The following DOCK1 variants were observed in gnomAD, a reference collection of about 807,000 sequenced individuals.
DOCK1 encodes the protein dedicator of cytokinesis 1.
Under a neutral mutation model 262.7 loss-of-function variants are expected in DOCK1, and 138 were observed. The observed-to-expected ratio is 0.53, with a 90% CI of 0.46 to 0.61. DOCK1 has a LOEUF of 0.61. DOCK1 is among the 20% of genes least tolerant of loss of function. The pLI, the probability that DOCK1 is intolerant of heterozygous loss-of-function variation, is 0.00. For missense variants in DOCK1, 1,908 were observed against 2,370.7 expected (o/e 0.80, Z 4.05); for synonymous variants, 866 against 867.4 (o/e 1.00, Z 0.03).
chr10:127,161,767 C>T (rs2053612557), intron 27 of DOCK1, among the ~76,000 whole-genome samples: 2 of 152,146 alleles, frequency 1.3e-5, no homozygotes, highest in African/African-American at 4.8e-5. Flanking sequence ...GCCATGTTGT[C>T]ATGGCAGGCT....
At chr10:127,389,784 G>A (rs1208286340) in intron 38 of DOCK1, among the ~76,000 whole-genome samples, 3 of 152,172 alleles carry the variant, frequency 2.0e-5, no homozygotes, top group Non-Finnish European at 2.9e-5. Flanking sequence ...GGGCTGAGGC[G>A]GGGCAGATCA....
chr10:127,427,449 C>T (rs777731687), intron 47 of DOCK1, among the ~76,000 whole-genome samples: 1 of 152,194 alleles, frequency 6.6e-6, no homozygotes, highest in East Asian at 1.9e-4. Flanking sequence ...GTGCTCCCCA[C>T]GTGCCAGGGA....
chr10:127,053,824 G>C (rs1337362406), intron 22 of DOCK1, among the ~76,000 whole-genome samples: 2 of 152,220 alleles, frequency 1.3e-5, no homozygotes, highest in African/African-American at 4.8e-5. Context: ...TGATTCAAAA[G>C]ATGTGAAAAG....
intron 4 of DOCK1, 110 bp from the exon 5 acceptor site, chr10:126,987,411 C>T (rs1054150185): frequency 9.4e-6 from 7 of 747,722 alleles, no homozygotes; most frequent in South Asian, 3.9e-5. Context: ...GATTTTCTTC[C>T]CATTTGCTTA....
In DOCK1 at chr10:126,945,028, G is replaced by A. The variant is rs950606679; in HGVS notation, c.47-25674G>A. Among the ~76,000 whole-genome samples the A allele has an allele frequency of 1.2e-4, 18 of 152,068 alleles. No homozygotes were observed. In the South Asian group the frequency reaches 3.8e-3, roughly 32 times the overall value. ...TAATTTTTGTATTTTTAGTAGAGAC[G>A]GGGTTTCACTATGTCAGTCAAGCTG... On this transcript the variant is annotated intron_variant, in intron 1 of 51. Coordinates refer to ENST00000623213, the MANE Select transcript of DOCK1 (RefSeq NM_001290223.2).
chr10:127,159,318 T>C (rs566611855), intron 27 of DOCK1, among the ~76,000 whole-genome samples: 1 of 152,264 alleles, frequency 6.6e-6, no homozygotes, highest in East Asian at 1.9e-4. Context: ...GGGCTACCTC[T>C]CTGTAATGGC....
In DOCK1 at chr10:127,323,887, T is replaced by C. The variant is rs988765284; in HGVS notation, c.3045-15119T>C. The stretch of plus-strand genomic sequence containing the variant: ...GTGCTGCATTTGGCATCTGAGCTGG[T>C]GTTCAGTGCTTCCCTCACTGCTGTG... On this transcript the variant is annotated intron_variant, in intron 29 of 51. Coordinates refer to ENST00000623213, the MANE Select transcript of DOCK1 (RefSeq NM_001290223.2). 1.9e-4 allele frequency among the ~76,000 whole-genome samples: 29 copies of C among 152,242 alleles called. 1 individual carries two copies. The highest frequency in any genetic ancestry group is 4.4e-5 in the Non-Finnish European group (3 of 68,046).
chr10:127,362,278 A>T, intron 33 of DOCK1, 66 bp downstream of exon 33: 3 of 1,565,036 alleles, frequency 1.9e-6, no homozygotes, highest in Non-Finnish European at 1.7e-6. Context: ...AAACCTTCAA[A>T]GAAACCTGTA....
intron 42 of DOCK1, among the ~76,000 whole-genome samples, chr10:127,410,147 C>A (rs1473444253): frequency 6.6e-6 from 1 of 152,178 alleles, no homozygotes; most frequent in Non-Finnish European, 1.5e-5. Flanking sequence ...TTCATCGTTT[C>A]TTTGACCTTG....
chr10:127,266,480 A>AACACACACACAC (rs68190118), intron 29 of DOCK1, among the ~76,000 whole-genome samples: 3,519 of 149,246 alleles, frequency 0.024, 53 homozygotes, highest in African/African-American at 0.029. Context: ...TAAGTACCAA[A>AACACACACACAC]ACACACACAC....
intron 21 of DOCK1, among the ~76,000 whole-genome samples, chr10:127,050,046 C>G (rs1229032866): frequency 8.2e-6 from 1 of 122,230 alleles, no homozygotes; most frequent in Non-Finnish European, 1.6e-5. Context: ...TGCAGTATTT[C>G]ATTGTAGGGA....
chr10:127,142,622 A>G (rs2051374580), intron 27 of DOCK1, among the ~76,000 whole-genome samples: 1 of 152,152 alleles, frequency 6.6e-6, no homozygotes, highest in Non-Finnish European at 1.5e-5. Context: ...TGAGAAGGGA[A>G]GATCCCTGGA....
chr10:127,388,224 G>T (rs1004665240), intron 38 of DOCK1, among the ~76,000 whole-genome samples: 1 of 152,204 alleles, frequency 6.6e-6, no homozygotes, highest in Non-Finnish European at 1.5e-5. Context: ...CAGAACAAAG[G>T]CTATGGCAAA....
chr10:127,320,104 GT>G (rs370093183), intron 29 of DOCK1, among the ~76,000 whole-genome samples: 1 of 152,136 alleles, frequency 6.6e-6, no homozygotes, highest in African/African-American at 2.4e-5. Context: ...AACTCATTAG[GT>G]TTTTTCCTTT....
chr10:127,429,224 G>A (rs11018077), intron 47 of DOCK1, among the ~76,000 whole-genome samples: 44,986 of 151,946 alleles, frequency 0.3, 7,012 homozygotes, highest in African/African-American at 0.4. Context: ...GGGGTGGGAG[G>A]CTTTTACAGA....
intron 1 of DOCK1, among the ~76,000 whole-genome samples, chr10:126,962,653 A>G (rs2037320619): frequency 6.6e-6 from 1 of 152,194 alleles, no homozygotes; most frequent in African/African-American, 2.4e-5. Flanking sequence ...GGGGATTTGT[A>G]AATACTTTCT....
rs79890433 is a variant in DOCK1 at position 127,131,531 on chromosome 10, G to A, written c.2847+3767G>A. On this transcript the variant is annotated intron_variant, in intron 27 of 51. Coordinates refer to ENST00000623213, the MANE Select transcript of DOCK1 (RefSeq NM_001290223.2). ...CACTGAAAATTCGAGTTGTTTAGTG[G>A]GACCTTGTAATCCCCAACCAGCCAC... Among the ~76,000 whole-genome samples, 1,157 of 152,284 alleles carry A rather than the reference G, an allele frequency of 7.6e-3. 16 individuals carry two copies. Among genetic ancestry groups the A allele is most frequent in the African/African-American group, 0.027 (1,108 of 41,560 alleles).
At chr10:127,191,360 G>A (rs1251810487) in intron 27 of DOCK1, among the ~76,000 whole-genome samples, 1 of 152,098 alleles carries the variant, frequency 6.6e-6, no homozygotes, top group Non-Finnish European at 1.5e-5. Flanking sequence ...CAACAGCTCA[G>A]TACATATCCA....
chr10:127,166,330 G>C (rs1334588968), intron 27 of DOCK1, among the ~76,000 whole-genome samples: 2 of 152,044 alleles, frequency 1.3e-5, no homozygotes, highest in Admixed American at 1.3e-4. Context: ...CTCCCAAAGT[G>C]CTGGGATTAC....
Sources: gnomAD v4.1 joint callset for allele counts (sites outside exome capture counted in the v4.1 genomes callset) on GRCh38, gnomAD v4.1.1 for gene constraint, MANE v1.5 for transcripts, NCBI Gene and HGNC (gene_info 2026-07-23, HGNC 2026-07-21) for gene names.